The following SDK1 variants were observed in gnomAD, a reference collection of about 807,000 sequenced individuals.
SDK1 encodes the protein sidekick cell adhesion molecule 1, also known as protein sidekick-1.
SDK1 carries 157 observed loss-of-function variants against 245.5 expected under a neutral mutation model. That is an observed-to-expected ratio of 0.64 (90% CI 0.56 to 0.73). The LOEUF (loss-of-function observed/expected upper bound fraction) is 0.73. SDK1 is among the 30% of genes least tolerant of loss of function. The pLI is 0.00. For synonymous variants in SDK1, 1,647 were observed against 1,278.5 expected (o/e 1.29, Z -6.15); for missense variants, 3,583 against 3,002.3 (o/e 1.19, Z -4.52).
At chr7:4,262,018 C>CTTTTTTTTTTTT (rs34610558) in intron 44 of SDK1, among the ~76,000 whole-genome samples, 6 of 59,254 alleles carry the variant, frequency 1.0e-4, no homozygotes, top group Non-Finnish European at 1.5e-4. Context: ...CTGCTTTCTC[C>CTTTTTTTTTTTT]TTTTTTTTTT....
At chr7:3,963,780 C>T (rs1006374497) in intron 9 of SDK1, among the ~76,000 whole-genome samples, 11 of 152,048 alleles carry the variant, frequency 7.2e-5, no homozygotes, top group African/African-American at 1.9e-4. Flanking sequence ...TACACCCAGG[C>T]TCACAGCTAC....
At chr7:3,408,958 A>G (rs1212886184) in intron 1 of SDK1, among the ~76,000 whole-genome samples, 1 of 152,218 alleles carries the variant, frequency 6.6e-6, no homozygotes, top group African/African-American at 2.4e-5. Flanking sequence ...AAACCTAACC[A>G]GTTAATTAGC....
In SDK1 at chr7:4,003,798, C is replaced by T. The variant is rs189170385; in HGVS notation, c.2132-7168C>T. Reference sequence around the variant, plus strand: ...CCCTAAGGAATGCAGCCTGCTTATACTCAGTGTCTAGAGAGACAGTCTGTT... The same window carrying T: ...CCCTAAGGAATGCAGCCTGCTTATATTCAGTGTCTAGAGAGACAGTCTGTT... On this transcript the variant is annotated intron_variant, in intron 14 of 44. Transcript: ENST00000404826. Among the ~76,000 whole-genome samples, 19 of 152,352 alleles carry T rather than the reference C, an allele frequency of 1.2e-4. 1 individual carries two copies. The East Asian group carries it at 1.5e-3, about 12-fold the overall frequency.
intron 5 of SDK1, among the ~76,000 whole-genome samples, chr7:3,854,636 C>CTT (rs1780496811): frequency 6.6e-6 from 1 of 152,096 alleles, no homozygotes; most frequent in Non-Finnish European, 1.5e-5. Flanking sequence ...ACTTGAATGC[C>CTT]TTTGTTCATG....
intron 4 of SDK1, among the ~76,000 whole-genome samples, chr7:3,757,390 T>C (rs1243798545): frequency 6.6e-6 from 1 of 152,062 alleles, no homozygotes; most frequent in Admixed American, 6.6e-5. Flanking sequence ...CTACCATGCC[T>C]GGTTAATTTT....
At chr7:3,558,620 G>A (rs1779660029) in intron 1 of SDK1, among the ~76,000 whole-genome samples, 2 of 152,202 alleles carry the variant, frequency 1.3e-5, no homozygotes, top group African/African-American at 4.8e-5. Flanking sequence ...GGGGGCAGAG[G>A]GGCAATGCAG....
intron 27 of SDK1, chr7:4,130,408 CCT>C: frequency 2.7e-6 from 1 of 365,006 alleles, no homozygotes; most frequent in Non-Finnish European, 4.9e-6. Context: ...TGTGGACGCT[CCT>C]CTTGGCAGGG....
intron 35 of SDK1, among the ~76,000 whole-genome samples, chr7:4,179,642 G>C (rs1327561572): frequency 2.6e-5 from 4 of 152,024 alleles, no homozygotes; most frequent in Non-Finnish European, 4.4e-5. Flanking sequence ...GGGTCACTCA[G>C]AGCCACCGAG....
chr7:3,482,044 A>G (rs9648355), intron 1 of SDK1, among the ~76,000 whole-genome samples: 38,306 of 152,128 alleles, frequency 0.25, 5,296 homozygotes, highest in South Asian at 0.37. Context: ...TCAAACATCT[A>G]TTAAAGAAAA....
intron 40 of SDK1, among the ~76,000 whole-genome samples, chr7:4,225,261 G>A (rs571660892): frequency 5.3e-5 from 8 of 152,150 alleles, no homozygotes; most frequent in African/African-American, 1.4e-4. Context: ...CTTGCTCTCC[G>A]TTGTTTCTTA....
intron 40 of SDK1, 105 bp downstream of exon 40, chr7:4,221,469 C>A (rs745836253): frequency 4.3e-6 from 6 of 1,395,462 alleles, no homozygotes; most frequent in South Asian, 4.1e-5. Flanking sequence ...ATTTTCCCCC[C>A]ACAAAGCTGG....
intron 1 of SDK1, among the ~76,000 whole-genome samples, chr7:3,392,961 A>ATTTTTTTTTTTTTTT (rs572782966): frequency 2.3e-5 from 2 of 87,114 alleles, no homozygotes; most frequent in Non-Finnish European, 4.2e-5. Context: ...CCTGTTTTAA[A>ATTTTTTTTTTTTTTT]TTTTTTTTTT....
intron 1 of SDK1, among the ~76,000 whole-genome samples, chr7:3,519,663 C>G (rs1583989413): frequency 6.6e-6 from 1 of 152,052 alleles, no homozygotes; most frequent in Non-Finnish European, 1.5e-5. Flanking sequence ...TTTAGTCTGT[C>G]TCTGTTACAT....
chr7:3,461,110 G>A (rs571523008), intron 1 of SDK1, among the ~76,000 whole-genome samples: 3 of 152,282 alleles, frequency 2.0e-5, no homozygotes, highest in Non-Finnish European at 4.4e-5. Context: ...GATGGTTGAT[G>A]TGTTGTACAA....
intron 1 of SDK1, among the ~76,000 whole-genome samples, chr7:3,467,229 C>T (rs1416216921): frequency 8.6e-5 from 13 of 151,982 alleles, no homozygotes; most frequent in Admixed American, 8.5e-4. Flanking sequence ...AGCACTTTCA[C>T]ATTTTTCCAA....
At chr7:3,579,181 T>A (rs1562576942) in intron 1 of SDK1, among the ~76,000 whole-genome samples, 2 of 151,902 alleles carry the variant, frequency 1.3e-5, no homozygotes, top group Non-Finnish European at 2.9e-5. Flanking sequence ...CCCAAGTCAT[T>A]CTATAAGGCA....
At chr7:3,620,054 A>C (rs1781887974) in intron 2 of SDK1, among the ~76,000 whole-genome samples, 1 of 152,150 alleles carries the variant, frequency 6.6e-6, no homozygotes, top group Non-Finnish European at 1.5e-5. Context: ...AAATCAGCAA[A>C]ATCATCGCTG....
At chr7:3,575,104 C>A (rs1780242533) in intron 1 of SDK1, among the ~76,000 whole-genome samples, 1 of 152,078 alleles carries the variant, frequency 6.6e-6, no homozygotes, top group Non-Finnish European at 1.5e-5. Flanking sequence ...TGCCACCTGA[C>A]TGCCATAACC....
chr7:3,827,255 G>A (rs958188243), intron 5 of SDK1, among the ~76,000 whole-genome samples: 54 of 152,264 alleles, frequency 3.5e-4, no homozygotes, highest in African/African-American at 1.1e-3. Context: ...TTTCCAAGGC[G>A]TAGGCAGGCA....
Sources: gnomAD v4.1 joint callset for allele counts (sites outside exome capture counted in the v4.1 genomes callset) on GRCh38, gnomAD v4.1.1 for gene constraint, MANE v1.5 for transcripts, NCBI Gene and HGNC (gene_info 2026-07-23, HGNC 2026-07-21) for gene names.